CCDC138: variants seen among roughly 807,000 people sequenced by gnomAD.
CCDC138 encodes the protein coiled-coil domain containing 138, also known as coiled-coil domain-containing protein 138.
A neutral mutation model predicts 82.3 loss-of-function variants in CCDC138; 66 were observed. That is an observed-to-expected ratio of 0.80 (90% CI 0.66 to 0.98). The LOEUF (loss-of-function observed/expected upper bound fraction) is 0.98, where lower values mean the gene tolerates loss of function less well. Among genes scored for constraint, CCDC138 ranks in the 50% least tolerant of loss-of-function variants. The pLI, the probability that CCDC138 is intolerant of heterozygous loss-of-function variation, is 0.00. For synonymous variants in CCDC138, 297 were observed against 265.4 expected (o/e 1.12, Z -1.16); for missense variants, 816 against 758.9 (o/e 1.08, Z -0.88).
chr2:108,872,647 G>A (rs1044113432), intron 13 of CCDC138, among the ~76,000 whole-genome samples: 1 of 152,092 alleles, frequency 6.6e-6, no homozygotes, highest in Non-Finnish European at 1.5e-5. Context: ...ATCATCACCT[G>A]GCAGAGGACA....
intron 4 of CCDC138, among the ~76,000 whole-genome samples, chr2:108,792,943 AG>A (rs1162695430): frequency 6.6e-6 from 1 of 151,374 alleles, no homozygotes; most frequent in Non-Finnish European, 1.5e-5. Context: ...ACGTGCCTGT[AG>A]TCCCAGTTAC....
At position 108,876,143 on chromosome 2, in the gene CCDC138, C is replaced by G; in HGVS notation, c.1888C>G (p.Gln630Glu). 1 of 1,609,538 alleles carries G rather than the reference C, an allele frequency of 6.2e-7. No individual in the cohort carries two copies. Among genetic ancestry groups the G allele is most frequent in the Admixed American group, 1.7e-5 (1 of 59,942 alleles). ...FTIHLMLQEIQRTTNPEHAFL... is the reference protein window; with the variant it reads ...FTIHLMLQEIERTTNPEHAFL... Reference sequence around the variant, plus strand: ...GATTCATCTGATGCTTCAAGAAATACAAAGGACAACAAACCCAGAGCATGC... The same window carrying G: ...GATTCATCTGATGCTTCAAGAAATAGAAAGGACAACAAACCCAGAGCATGC... The change falls in exon 15 of 15, where the codon CAA becomes GAA. Residue 630 changes from glutamine (Q) to glutamate (E), a missense_variant. Transcript: ENST00000295124.
At chr2:108,832,005 T>G (rs1331762388) in intron 10 of CCDC138, among the ~76,000 whole-genome samples, 1 of 151,918 alleles carries the variant, frequency 6.6e-6, no homozygotes, top group East Asian at 1.9e-4. Context: ...AGTGCTGGGA[T>G]TACAAGCGTG....
chr2:108,819,742 G>GT (rs1430372304), intron 10 of CCDC138, among the ~76,000 whole-genome samples: 7 of 152,088 alleles, frequency 4.6e-5, no homozygotes, highest in African/African-American at 7.2e-5. Context: ...TTTGTTTTCT[G>GT]TTTTTTCAAA....
chr2:108,794,275 T>C (rs1030761439), intron 4 of CCDC138, among the ~76,000 whole-genome samples: 3 of 152,188 alleles, frequency 2.0e-5, no homozygotes, highest in Admixed American at 2.0e-4. Context: ...TTAGTGTCTT[T>C]TTATATCCTT....
intron 14 of CCDC138, among the ~76,000 whole-genome samples, chr2:108,874,920 G>T (rs1471704188): frequency 1.3e-5 from 1 of 75,798 alleles, no homozygotes; most frequent in East Asian, 9.2e-4. Context: ...TTAATTCATG[G>T]GATTTTTTTT....
chr2:108,807,114 A>G (rs1196340920), intron 7 of CCDC138, among the ~76,000 whole-genome samples: 2 of 152,248 alleles, frequency 1.3e-5, no homozygotes, highest in Non-Finnish European at 2.9e-5. Flanking sequence ...AGAATTGCAT[A>G]ACTGAGAATG....
chr2:108,871,137 A>C (rs1231850065), intron 13 of CCDC138, among the ~76,000 whole-genome samples: 1 of 152,170 alleles, frequency 6.6e-6, no homozygotes, highest in Non-Finnish European at 1.5e-5. Flanking sequence ...GGATAGATAG[A>C]AGGAAATACT....
chr2:108,790,594 C>T (rs750363844), intron 3 of CCDC138, among the ~76,000 whole-genome samples: 17 of 152,026 alleles, frequency 1.1e-4, no homozygotes, highest in Non-Finnish European at 1.6e-4. Flanking sequence ...CCCAGCTACT[C>T]GGGAGGCTGA....
intron 10 of CCDC138, among the ~76,000 whole-genome samples, chr2:108,817,467 A>G (rs1463615296): frequency 1.3e-5 from 2 of 151,760 alleles, no homozygotes; most frequent in Non-Finnish European, 2.9e-5. Context: ...TAATTTTTGT[A>G]TTTTTAGTAG....
At chr2:108,798,342 G>GTTAA in intron 5 of CCDC138, 86 bp from the exon 6 acceptor site, 1 of 1,480,456 alleles carries the variant, frequency 6.8e-7, no homozygotes, top group African/African-American at 1.4e-5. Flanking sequence ...AAACCACTTG[G>GTTAA]TTAAACCACA....
intron 10 of CCDC138, among the ~76,000 whole-genome samples, chr2:108,823,933 C>T (rs942853574): frequency 2.6e-5 from 4 of 151,584 alleles, no homozygotes; most frequent in African/African-American, 9.7e-5. Flanking sequence ...GCCAAGATCG[C>T]GCCACTGCAC....
intron 12 of CCDC138, among the ~76,000 whole-genome samples, chr2:108,853,588 G>A (rs1691902778): frequency 6.7e-6 from 1 of 149,674 alleles, no homozygotes; most frequent in African/African-American, 2.5e-5. Context: ...ATGCAGTGGT[G>A]CAAGCATAAC....
intron 13 of CCDC138, among the ~76,000 whole-genome samples, chr2:108,867,760 G>A (rs1382239584): frequency 6.6e-6 from 1 of 152,146 alleles, no homozygotes; most frequent in African/African-American, 2.4e-5. Context: ...TTTGAGGGAT[G>A]GGCAACTGAA....
rs2105194650 is a variant in CCDC138, at chr2:108,871,532, A to G, written c.1694-1919A>G. Among the ~76,000 whole-genome samples the G allele has an allele frequency of 1.3e-5, 2 of 152,280 alleles. 1 individual carries two copies. Among genetic ancestry groups the G allele is most frequent in the South Asian group, 4.1e-4 (2 of 4,832 alleles). On this transcript the variant is annotated intron_variant, in intron 13 of 14. Coordinates refer to ENST00000295124, the MANE Select transcript of CCDC138 (RefSeq NM_144978.3). ...ATGCCACTGCACTCCAGCCTGGGCA[A>G]CAAAGCAAGACTTTAGCTCCAAAAA...
Position 108,796,743 on chromosome 2 carries a change from C to T in CCDC138, c.577-1685C>T, listed in dbSNP as rs181218305. 5.3e-5 allele frequency among the ~76,000 whole-genome samples: 8 copies of T among 152,230 alleles called. No homozygotes were observed. In the East Asian group the frequency reaches 1.4e-3, roughly 26 times the overall value. On this transcript the variant is annotated intron_variant, in intron 5 of 14. Transcript: ENST00000295124. ...CACAGAAGGACAGACATTGCATGTT[C>T]TCACTCGTGTGGGGTGGGAACTAAA...
chr2:108,819,569 C>G (rs1041817286), intron 10 of CCDC138, among the ~76,000 whole-genome samples: 2 of 152,152 alleles, frequency 1.3e-5, no homozygotes, highest in Non-Finnish European at 2.9e-5. Context: ...TGAGAGGAAA[C>G]AGCGATAAGT....
At chr2:108,869,764 C>T (rs1462968179) in intron 13 of CCDC138, among the ~76,000 whole-genome samples, 4 of 152,162 alleles carry the variant, frequency 2.6e-5, no homozygotes. Context: ...ACCTTAAGCA[C>T]ACTCCCTACA....
At chr2:108,875,876 C>T (rs993993277) in intron 14 of CCDC138, among the ~76,000 whole-genome samples, 5 of 152,086 alleles carry the variant, frequency 3.3e-5, no homozygotes, top group African/African-American at 1.2e-4. Context: ...AAAAAGTTTT[C>T]TTTTTTCCCC....
Sources: allele counts gnomAD v4.1 joint callset (sites outside exome capture counted in the v4.1 genomes callset), GRCh38; gene constraint gnomAD v4.1.1; transcripts MANE v1.5; gene names NCBI Gene and HGNC (gene_info 2026-07-23, HGNC 2026-07-21).